The following SCMH1 variants were observed in gnomAD, a reference collection of about 807,000 sequenced individuals.
SCMH1 encodes the protein polycomb protein SCMH1.
In SCMH1, 37 loss-of-function variants were observed where a neutral mutation model predicts 70.8. The ratio of observed to expected loss-of-function variants is 0.52; its 90% CI spans 0.40 to 0.69. The LOEUF (loss-of-function observed/expected upper bound fraction) is 0.69. Ranked by LOEUF, SCMH1 falls within the 30% of genes least tolerant of loss-of-function variation. The probability of loss-of-function intolerance (pLI) is 0.00; values close to 1 mark genes in which losing one functional copy is unlikely to be tolerated. For synonymous variants in SCMH1, 292 were observed against 307.4 expected, an observed-to-expected ratio of 0.95 and a Z score of 0.52; for missense variants, 607 against 827.3, an observed-to-expected ratio of 0.73 and a Z score of 3.27.
intron 5 of SCMH1, among the ~76,000 whole-genome samples, chr1:41,150,567 G>A (rs1255865202): frequency 6.6e-6 from 1 of 152,062 alleles, no homozygotes; most frequent in Non-Finnish European, 1.5e-5. Flanking sequence ...AATTGTTTCA[G>A]GTGGAAGTAT....
rs1235837940 is a variant in SCMH1, at chr1:41,033,712, A to G, written c.1678+3650T>C. On this transcript the variant is annotated intron_variant, in intron 13 of 14. Coordinates refer to ENST00000337495, the Ensembl canonical transcript of SCMH1. The stretch of plus-strand genomic sequence containing the variant: ...CCTGGTTAATGCAGTAAGAGAGGAA[A>G]CAGACTCAACATCCAAATTCTTTAA... 7.2e-5 allele frequency among the ~76,000 whole-genome samples: 11 copies of G among 152,386 alleles called. No homozygotes were observed. In the East Asian group the frequency reaches 1.9e-3, roughly 27 times the overall value.
intron 1 of SCMH1, among the ~76,000 whole-genome samples, chr1:41,221,311 T>A (rs960874992): frequency 6.6e-6 from 1 of 152,082 alleles, no homozygotes; most frequent in Non-Finnish European, 1.5e-5. Context: ...GATGAAAGCA[T>A]CCTGGAAGTG....
rs1005340662 is a variant in SCMH1, at chr1:41,186,120, C to T, written c.13+1G>A. ...CCACGATAGGGTAAAAAGATACTTA[C>T]CATTAGGCTGCATAGTCAATGGACT... On this transcript the variant is annotated splice_donor_variant, in intron 2 of 14. Transcript: ENST00000337495. LOFTEE classifies it high-confidence loss of function. 1 of 1,544,856 alleles carries T rather than the reference C, an allele frequency of 6.5e-7. No individual in the cohort carries two copies. The highest frequency in any genetic ancestry group is 8.8e-7 in the Non-Finnish European group (1 of 1,142,262).
At chr1:41,031,367 C>T (rs1216661542) in intron 13 of SCMH1, among the ~76,000 whole-genome samples, 1 of 152,160 alleles carries the variant, frequency 6.6e-6, no homozygotes, top group Non-Finnish European at 1.5e-5. Context: ...GTAAAAGGGC[C>T]TAATATTTAA....
chr1:41,232,465 G>A (rs1222647338), intron 1 of SCMH1, among the ~76,000 whole-genome samples: 1 of 152,188 alleles, frequency 6.6e-6, no homozygotes, highest in African/African-American at 2.4e-5. Flanking sequence ...ATTCCTGCAA[G>A]TAAACTTTGC....
chr1:41,063,212 G>A (rs1035535012), intron 10 of SCMH1, among the ~76,000 whole-genome samples: 4 of 152,184 alleles, frequency 2.6e-5, no homozygotes, highest in Middle Eastern at 3.4e-3. Flanking sequence ...GGTGGCTCAC[G>A]CCTGTAATCC....
chr1:41,230,427 G>A (rs1661080600), intron 1 of SCMH1, among the ~76,000 whole-genome samples: 1 of 152,142 alleles, frequency 6.6e-6, no homozygotes, highest in Non-Finnish European at 1.5e-5. Context: ...GCTGAGGCGG[G>A]AGGATCACTG....
intron 8 of SCMH1, among the ~76,000 whole-genome samples, chr1:41,096,381 CTTCAT>C (rs1193132730): frequency 6.6e-6 from 1 of 152,154 alleles, no homozygotes; most frequent in Non-Finnish European, 1.5e-5. Flanking sequence ...AAGGAAGTTA[CTTCAT>C]TTCTCTGCAT....
intron 6 of SCMH1, 71 bp downstream of exon 6, chr1:41,142,807 A>G (rs1644221696): frequency 7.6e-7 from 1 of 1,319,718 alleles, no homozygotes; most frequent in African/African-American, 1.5e-5. Flanking sequence ...GCTTTCCCAT[A>G]ATAGGATGTT....
chr1:41,157,572 G>A (rs1263063925), intron 4 of SCMH1, among the ~76,000 whole-genome samples: 1 of 152,196 alleles, frequency 6.6e-6, no homozygotes, highest in East Asian at 1.9e-4. Context: ...AGAGAAATCA[G>A]AGGTGTTTTC....
chr1:41,118,175 C>A (rs941820068), intron 6 of SCMH1, among the ~76,000 whole-genome samples: 1 of 152,140 alleles, frequency 6.6e-6, no homozygotes, highest in Non-Finnish European at 1.5e-5. Context: ...AGGAGAAACA[C>A]CTCATTAGAC....
intron 2 of SCMH1, among the ~76,000 whole-genome samples, chr1:41,180,166 A>T (rs11209628): frequency 5.3e-4 from 80 of 151,924 alleles, no homozygotes; most frequent in East Asian, 1.4e-3. Flanking sequence ...ATTCAACAAC[A>T]CTTCATGCTA....
At chr1:41,052,339 C>G (rs1648491267) in intron 10 of SCMH1, among the ~76,000 whole-genome samples, 1 of 152,232 alleles carries the variant, frequency 6.6e-6, no homozygotes, top group African/African-American at 2.4e-5. Flanking sequence ...CTCACAGGAG[C>G]ATGAATCCTA....
At chr1:41,090,156 A>AACTT (rs1662985337) in intron 8 of SCMH1, among the ~76,000 whole-genome samples, 1 of 152,064 alleles carries the variant, frequency 6.6e-6, no homozygotes, top group South Asian at 2.1e-4. Flanking sequence ...ACACTCTTAA[A>AACTT]ATTTATGGAG....
Position 41,113,457 on chromosome 1 carries a change from G to C in SCMH1, c.571C>G (p.Pro191Ala). The C allele has an allele frequency of 6.2e-7, 1 of 1,613,890 alleles. No homozygotes were observed. Among genetic ancestry groups the C allele is most frequent in the East Asian group, 2.2e-5 (1 of 44,860 alleles). Residue 191 changes from proline to alanine, a missense_variant, in exon 8 of 15, where the codon CCT (proline) becomes GCT (alanine). Transcript: ENST00000337495. The surrounding 1 kb of genome is among the most constrained non-coding windows in gnomAD (Gnocchi z 4.3). Reference sequence around the variant, plus strand: ...ATAGTGGCTGGGCAAATGAAATGAGGGTTCTTCCTGTCCACAGCTTCTAGC... The same window carrying C: ...ATAGTGGCTGGGCAAATGAAATGAGCGTTCTTCCTGTCCACAGCTTCTAGC...
At chr1:41,161,913 T>C (rs1401532256) in intron 2 of SCMH1, among the ~76,000 whole-genome samples, 1 of 152,218 alleles carries the variant, frequency 6.6e-6, no homozygotes, top group Non-Finnish European at 1.5e-5. Flanking sequence ...TAACTGTATT[T>C]GTGATGGCAG....
chr1:41,089,657 C>G (rs1397985206), intron 8 of SCMH1, among the ~76,000 whole-genome samples: 4 of 152,130 alleles, frequency 2.6e-5, no homozygotes, highest in African/African-American at 9.7e-5. Context: ...ATAGCTTCCC[C>G]TTTCACTCAG....
At chr1:41,148,666 TGTTGA>T (rs1329513127) in intron 5 of SCMH1, among the ~76,000 whole-genome samples, 4 of 152,310 alleles carry the variant, frequency 2.6e-5, no homozygotes, top group East Asian at 1.9e-4. Flanking sequence ...CTCTGGCTGC[TGTTGA>T]GTTTTCTCTA....
At chr1:41,169,608 C>T (rs191865766) in intron 2 of SCMH1, among the ~76,000 whole-genome samples, 1 of 152,276 alleles carries the variant, frequency 6.6e-6, no homozygotes, top group African/African-American at 2.4e-5. Flanking sequence ...GGACATACGC[C>T]TATCAGGGTG....
Sources: allele counts gnomAD v4.1 joint callset (sites outside exome capture counted in the v4.1 genomes callset), GRCh38; gene constraint gnomAD v4.1.1; non-coding constraint Gnocchi (gnomAD v3.1); transcripts MANE v1.5; gene names NCBI Gene and HGNC (gene_info 2026-07-23, HGNC 2026-07-21).